The following COL4A2 variants were observed in gnomAD, a reference collection of about 807,000 sequenced individuals.
COL4A2 encodes the protein collagen type IV alpha 2 chain, also known as collagen alpha-2(IV) chain.
In COL4A2, 99 loss-of-function variants were observed where a neutral mutation model predicts 200.2. That is an observed-to-expected ratio of 0.49 (90% confidence interval 0.42 to 0.58). The LOEUF (loss-of-function observed/expected upper bound fraction) is 0.58, where lower values mean the gene tolerates loss of function less well. Ranked by LOEUF, COL4A2 falls within the 20% of genes least tolerant of loss-of-function variation. COL4A2 has a pLI of 0.00. For synonymous variants in COL4A2, 897 were observed against 900.6 expected, an observed-to-expected ratio of 1.00 and a Z score of 0.07; for missense variants, 1,950 against 2,314.1, an observed-to-expected ratio of 0.84 and a Z score of 3.23.
intron 17 of COL4A2, 129 bp from the exon 18 acceptor site, chr13:110,446,669 C>G: frequency 2.8e-6 from 2 of 716,558 alleles, no homozygotes; most frequent in Non-Finnish European, 4.6e-6. Context: ...GTCTGTGGTT[C>G]CACTGGTTGA....
At chr13:110,494,458 G>A (rs912604991) in intron 39 of COL4A2, among the ~76,000 whole-genome samples, 1 of 152,030 alleles carries the variant, frequency 6.6e-6, no homozygotes, top group African/African-American at 2.4e-5. Context: ...ACATTTGAAG[G>A]ACATCAGGCA....
intron 3 of COL4A2, among the ~76,000 whole-genome samples, chr13:110,312,563 A>G (rs1885013397): frequency 6.6e-6 from 1 of 152,334 alleles, no homozygotes; most frequent in Admixed American, 6.5e-5. Context: ...TAATGAAGAG[A>G]TCACCATCTA....
chr13:110,487,026 C>G (rs532237812), intron 34 of COL4A2, among the ~76,000 whole-genome samples: 1 of 152,212 alleles, frequency 6.6e-6, no homozygotes, highest in East Asian at 1.9e-4. Flanking sequence ...CAGGCCAGGG[C>G]CTGCCTGTGT....
In COL4A2 at chr13:110,462,573, A is replaced by G. The variant is rs7992086; in HGVS notation, c.1776+189A>G. ...TTTTTAGGAAACGGTGAATTAAGTTAGAAGCCAAGCTCCAAATGAACATTT... is the reference window on the plus strand; with the variant it reads ...TTTTTAGGAAACGGTGAATTAAGTTGGAAGCCAAGCTCCAAATGAACATTT... On this transcript the variant is annotated intron_variant, in intron 24 of 47. Coordinates refer to ENST00000360467, the MANE Select transcript of COL4A2 (RefSeq NM_001846.4). 415,580 of 568,018 alleles carry G rather than the reference A, an allele frequency of 0.73. 154,405 individuals carry two copies. Among genetic ancestry groups the G allele is most frequent in the Middle Eastern group, 0.83 (1,776 of 2,148 alleles). The allele number at this position is 568,018 out of a possible 1,614,324, so 35.2% of individuals were successfully genotyped here.
At chr13:110,436,115 C>G in intron 12 of COL4A2, 154 bp from the exon 13 acceptor site, 1 of 1,121,696 alleles carries the variant, frequency 8.9e-7, no homozygotes. Context: ...TAGGATTACT[C>G]TATTTTGTGG....
At chr13:110,370,223 C>A (rs949575835) in intron 4 of COL4A2, among the ~76,000 whole-genome samples, 5 of 128,620 alleles carry the variant, frequency 3.9e-5, no homozygotes, top group African/African-American at 6.0e-5. Flanking sequence ...AAAAAAAAAA[C>A]AAGGGTTTTT....
At position 110,510,616 on chromosome 13, in the gene COL4A2, C is replaced by CTG. The variant is rs35675138; in HGVS notation, c.4882-1302_4882-1301dup. 8.6e-4 allele frequency among the ~76,000 whole-genome samples: 131 copies of CTG among 151,676 alleles called. No homozygotes were observed. In the East Asian group the frequency reaches 0.017, roughly 19 times the overall value. On this transcript the variant is annotated intron_variant, in intron 47 of 47. Transcript: ENST00000360467. Reference sequence around the variant, plus strand: ...ATAGGGGTGTGTACACAAGCATGCACTGTGTGTGTGTGTGTGTACATGCGT... The same window carrying CTG: ...ATAGGGGTGTGTACACAAGCATGCACTGTGTGTGTGTGTGTGTGTACATGCGT...
intron 27 of COL4A2, 98 bp from the exon 28 acceptor site, chr13:110,469,119 G>A (rs754054657): frequency 4.1e-5 from 56 of 1,364,922 alleles, no homozygotes; most frequent in African/African-American, 5.8e-5. Flanking sequence ...ATCATTTCCC[G>A]GTTTCATGAG....
chr13:110,475,514 A>G (rs754188018), intron 29 of COL4A2, among the ~76,000 whole-genome samples: 13 of 152,246 alleles, frequency 8.5e-5, no homozygotes, highest in African/African-American at 3.1e-4. Flanking sequence ...ATGAAAACAA[A>G]TGGAAGCAGG....
At chr13:110,322,690 G>A (rs761830802) in intron 3 of COL4A2, among the ~76,000 whole-genome samples, 1 of 152,184 alleles carries the variant, frequency 6.6e-6, no homozygotes, top group Non-Finnish European at 1.5e-5. Context: ...GTGGAGACAG[G>A]GAGCCGATGT....
intron 16 of COL4A2, among the ~76,000 whole-genome samples, chr13:110,440,858 C>T (rs141774973): frequency 3.3e-5 from 5 of 152,138 alleles, no homozygotes; most frequent in African/African-American, 7.2e-5. Flanking sequence ...CACACAAAGA[C>T]GTGTAGCTTC....
intron 34 of COL4A2, among the ~76,000 whole-genome samples, chr13:110,486,044 G>A (rs532807603): frequency 8.6e-5 from 13 of 151,890 alleles, no homozygotes; most frequent in South Asian, 4.1e-4. Flanking sequence ...ACCGGCTGCC[G>A]TGGCCCTTCT....
chr13:110,442,456 A>G (rs4773185), intron 16 of COL4A2, among the ~76,000 whole-genome samples: 29,598 of 152,168 alleles, frequency 0.19, 3,445 homozygotes, highest in East Asian at 0.48. Flanking sequence ...CCATCACTCC[A>G]TGACTTTCAT....
At chr13:110,332,905 A>C (rs1875993804) in intron 3 of COL4A2, among the ~76,000 whole-genome samples, 1 of 152,216 alleles carries the variant, frequency 6.6e-6, no homozygotes, top group Non-Finnish European at 1.5e-5. Flanking sequence ...ACACGGTGCT[A>C]TTTCCAGAAG....
At chr13:110,503,760 C>T in intron 43 of COL4A2, 87 bp from the exon 44 acceptor site, 2 of 1,509,748 alleles carry the variant, frequency 1.3e-6, no homozygotes, top group South Asian at 1.2e-5. Flanking sequence ...CAAAAGAAGC[C>T]TCCCTGGTGA....
chr13:110,320,479 G>C (rs1285405684), intron 3 of COL4A2, among the ~76,000 whole-genome samples: 2 of 152,166 alleles, frequency 1.3e-5, no homozygotes, highest in Admixed American at 1.3e-4. Flanking sequence ...AGTCATGCTG[G>C]TGCTTGATTT....
In COL4A2 at chr13:110,503,925, C is replaced by A; in HGVS notation, c.4217C>A (p.Pro1406His). The change falls in exon 44 of 48, where the codon CCC becomes CAC. Residue 1406 changes from proline to histidine, a missense_variant. Around this residue, in one of 2 missense-constraint regions of COL4A2, gnomAD observed 1,385 missense variants for 1,720.5 expected, o/e 0.80. Coordinates refer to ENST00000360467, the MANE Select transcript of COL4A2 (RefSeq NM_001846.4). ...GCCGTCCAACCAGGGACAGTGGGTC[C>A]CCAGGGGAGGCGAGGCCCCCCTGGG... Reference protein sequence around the residue: ...KIAVQPGTVGPQGRRGPPGAP... With the variant: ...KIAVQPGTVGHQGRRGPPGAP... 6.2e-7 allele frequency: 1 copy of A among 1,603,874 alleles called. No individual in the cohort carries two copies. The highest frequency in any genetic ancestry group is 8.5e-7 in the Non-Finnish European group (1 of 1,174,634).
chr13:110,473,101 G>A lies in COL4A2; in HGVS notation c.2376G>A (p.Gln792=), dbSNP rs372356357. The A allele has an allele frequency of 3.8e-6, 6 of 1,562,296 alleles. No individual in the cohort carries two copies. The African/African-American group carries it at 8.2e-5, about 21-fold the overall frequency. ...GGGGAGATGCTGGTGTGCCTGGACA[G>A]CCTGGGCTTAAAGGCCTTCCCGGAG... ...GPRGDAGVPG[Q]PGLKGLPGDR... The change falls in exon 29 of 48, where the codon CAG becomes CAA. Residue 792 remains glutamine, a synonymous_variant. Transcript: ENST00000360467.
intron 3 of COL4A2, among the ~76,000 whole-genome samples, chr13:110,344,119 G>A (rs1160479479): frequency 6.6e-6 from 1 of 151,982 alleles, no homozygotes; most frequent in Non-Finnish European, 1.5e-5. Context: ...AAACAACATA[G>A]CTCATAAATA....
Sources: gnomAD v4.1 joint callset for allele counts (sites outside exome capture counted in the v4.1 genomes callset) on GRCh38, gnomAD v4.1.1 for gene constraint, gnomAD v4.1.1 regional missense constraint, MANE v1.5 for transcripts, NCBI Gene and HGNC (gene_info 2026-07-23, HGNC 2026-07-21) for gene names.